GRID2: variants seen among roughly 807,000 people sequenced by gnomAD.
GRID2 encodes glutamate ionotropic receptor delta type subunit 2.
A neutral mutation model predicts 114.8 loss-of-function variants in GRID2; 33 were observed. That is an observed-to-expected ratio of 0.29 (90% CI 0.22 to 0.38). The LOEUF is 0.38. GRID2 is among the 10% of genes least tolerant of loss of function. GRID2 has a pLI of 1.00. For missense variants in GRID2, 1,184 were observed against 1,257.7 expected, an observed-to-expected ratio of 0.94 and a Z score of 0.89; for synonymous variants, 505 against 449.9, an observed-to-expected ratio of 1.12 and a Z score of -1.55.
At chr4:92,315,756 A>G (rs1440637366) in intron 1 of GRID2, among the ~76,000 whole-genome samples, 2 of 152,076 alleles carry the variant, frequency 1.3e-5, no homozygotes, top group African/African-American at 2.4e-5. Context: ...GGATCACCTG[A>G]GGTCAGGAGT....
intron 2 of GRID2, among the ~76,000 whole-genome samples, chr4:92,595,641 A>T (rs1216905600): frequency 6.6e-6 from 1 of 152,086 alleles, no homozygotes; most frequent in Non-Finnish European, 1.5e-5. Context: ...TTTCCAGTAT[A>T]TGATTATGCT....
At chr4:93,051,861 C>G (rs1276972161) in intron 2 of GRID2, among the ~76,000 whole-genome samples, 2 of 151,680 alleles carry the variant, frequency 1.3e-5, no homozygotes, top group African/African-American at 2.4e-5. Flanking sequence ...CCCGAGTTTT[C>G]TTTTGCTTGT....
intron 5 of GRID2, among the ~76,000 whole-genome samples, chr4:93,210,934 C>T (rs2149474809): frequency 6.6e-6 from 1 of 152,062 alleles, no homozygotes; most frequent in East Asian, 1.9e-4. Flanking sequence ...ACACAGATTT[C>T]CTGATGCAAA....
intron 1 of GRID2, among the ~76,000 whole-genome samples, chr4:93,789,570 A>G (rs555639079): frequency 7.1e-4 from 108 of 152,310 alleles, no homozygotes; most frequent in Non-Finnish European, 1.5e-3. Context: ...TTGGTGCCAC[A>G]CTTTTCCTTT....
At chr4:92,820,707 C>T (rs1174801966) in intron 2 of GRID2, among the ~76,000 whole-genome samples, 1 of 152,046 alleles carries the variant, frequency 6.6e-6, no homozygotes, top group Non-Finnish European at 1.5e-5. Flanking sequence ...ATTTAGAATG[C>T]ATTTTTTGTA....
At chr4:92,861,266 A>G (rs1744512612) in intron 2 of GRID2, among the ~76,000 whole-genome samples, 1 of 152,144 alleles carries the variant, frequency 6.6e-6, no homozygotes, top group South Asian at 2.1e-4. Flanking sequence ...GGACTTTTAA[A>G]GGATGGTAAT....
chr4:92,752,013 G>T (rs1380596786), intron 2 of GRID2, among the ~76,000 whole-genome samples: 4 of 152,290 alleles, frequency 2.6e-5, no homozygotes, highest in South Asian at 4.1e-4. Context: ...GAATTTCTCT[G>T]TCTCAGGCAG....
At chr4:92,753,024 AAATG>A (rs1382164747) in intron 2 of GRID2, among the ~76,000 whole-genome samples, 5 of 152,326 alleles carry the variant, frequency 3.3e-5, no homozygotes, top group Admixed American at 6.5e-5. Flanking sequence ...AAGAGAGGAC[AAATG>A]AATGAATATT....
chr4:93,177,618 G>T (rs1739468094), intron 4 of GRID2, among the ~76,000 whole-genome samples: 1 of 152,068 alleles, frequency 6.6e-6, no homozygotes, highest in East Asian at 1.9e-4. Flanking sequence ...TACTTTCATT[G>T]AGTACTGTTG....
chr4:92,331,799 A>T (rs761335686), intron 1 of GRID2, among the ~76,000 whole-genome samples: 1 of 152,198 alleles, frequency 6.6e-6, no homozygotes, highest in Non-Finnish European at 1.5e-5. Flanking sequence ...CTTACTTTGA[A>T]TAAGATGAGG....
intron 2 of GRID2, among the ~76,000 whole-genome samples, chr4:92,802,314 T>C (rs1259689503): frequency 1.3e-5 from 2 of 151,894 alleles, no homozygotes; most frequent in East Asian, 1.9e-4. Context: ...CACAATTCCA[T>C]AGTTTACATT....
chr4:93,295,094 T>C (rs1407937632), intron 8 of GRID2, among the ~76,000 whole-genome samples: 1 of 152,128 alleles, frequency 6.6e-6, no homozygotes, highest in Non-Finnish European at 1.5e-5. Flanking sequence ...TTAAATCTTA[T>C]GTTAAAATGC....
At chr4:92,716,704 G>C (rs1735568893) in intron 2 of GRID2, among the ~76,000 whole-genome samples, 1 of 152,174 alleles carries the variant, frequency 6.6e-6, no homozygotes, top group African/African-American at 2.4e-5. Flanking sequence ...AGTTGCCTTA[G>C]TGGTTTGCTC....
chr4:92,647,797 A>G (rs574370233), intron 2 of GRID2, among the ~76,000 whole-genome samples: 5 of 149,890 alleles, frequency 3.3e-5, no homozygotes, highest in African/African-American at 1.2e-4. Flanking sequence ...ATACTTAACA[A>G]ATTTAACATG....
At chr4:92,428,127 TG>T (rs1171807188) in intron 1 of GRID2, among the ~76,000 whole-genome samples, 22 of 151,818 alleles carry the variant, frequency 1.4e-4, no homozygotes, top group Non-Finnish European at 3.2e-4. Context: ...CCGGGCGTGG[TG>T]AGGGGTGCCT....
At chr4:92,712,688 T>C (rs865816339) in intron 2 of GRID2, among the ~76,000 whole-genome samples, 62 of 152,286 alleles carry the variant, frequency 4.1e-4, no homozygotes, top group African/African-American at 1.4e-3. Context: ...TGCAGGATTC[T>C]CTTATTTAAT....
At chr4:92,563,175 TA>T (rs962441215) in intron 1 of GRID2, among the ~76,000 whole-genome samples, 6 of 152,160 alleles carry the variant, frequency 3.9e-5, no homozygotes, top group Non-Finnish European at 5.9e-5. Context: ...TTTAATGGTT[TA>T]AAAAATGGTT....
At chr4:93,523,244 C>CA (rs1316393381) in intron 13 of GRID2, among the ~76,000 whole-genome samples, 1 of 151,972 alleles carries the variant, frequency 6.6e-6, no homozygotes, top group East Asian at 1.9e-4. Context: ...TTCTACTTAG[C>CA]AAAATAAAGT....
chr4:93,682,359 G>T (rs1249034604), intron 14 of GRID2, among the ~76,000 whole-genome samples: 1 of 151,630 alleles, frequency 6.6e-6, no homozygotes, highest in African/African-American at 2.4e-5. Context: ...CAACCATTGT[G>T]GAAGTCAGTG....
Sources: gnomAD v4.1 joint callset for allele counts (sites outside exome capture counted in the v4.1 genomes callset) on GRCh38, gnomAD v4.1.1 for gene constraint, MANE v1.5 for transcripts, NCBI Gene and HGNC (gene_info 2026-07-23, HGNC 2026-07-21) for gene names.